MTRR: variants seen among roughly 807,000 people sequenced by gnomAD.
MTRR encodes the protein 5-methyltetrahydrofolate-homocysteine methyltransferase reductase, also known as methionine synthase reductase.
Under a neutral mutation model 79.2 loss-of-function variants are expected in MTRR, and 63 were observed. The observed-to-expected ratio is 0.80, with a 90% CI of 0.65 to 0.98. The LOEUF is 0.98. Among genes scored for constraint, MTRR ranks in the 50% least tolerant of loss-of-function variants. MTRR has a pLI of 0.00. For missense variants in MTRR, 895 were observed against 839.6 expected, an observed-to-expected ratio of 1.07 and a Z score of -0.82; for synonymous variants, 355 against 313.3, an observed-to-expected ratio of 1.13 and a Z score of -1.41.
At chr5:7,871,338 A>G (rs912989163) in intron 2 of MTRR, among the ~76,000 whole-genome samples, 7 of 152,188 alleles carry the variant, frequency 4.6e-5, no homozygotes, top group Non-Finnish European at 1.0e-4. Flanking sequence ...AGGACCGCCT[A>G]GATTCTTTTG....
At chr5:7,876,865 CGTTA>C (rs1204575756) in intron 4 of MTRR, among the ~76,000 whole-genome samples, 5 of 152,216 alleles carry the variant, frequency 3.3e-5, no homozygotes, top group African/African-American at 1.2e-4. Context: ...ACTCAGTGAA[CGTTA>C]GTTCTCCTCC....
upstream of MTRR, among the ~76,000 whole-genome samples, chr5:7,864,945 G>A (rs1443972108): frequency 2.6e-5 from 4 of 152,034 alleles, no homozygotes; most frequent in East Asian, 5.8e-4. Context: ...TAGCATTCCC[G>A]ATAGAGACAA....
chr5:7,862,735 G>T, intron 2 of MTRR: 1 of 1,166,698 alleles, frequency 8.6e-7, no homozygotes. Flanking sequence ...CATTTCCAGA[G>T]AACTTCTATT....
intron 5 of MTRR, among the ~76,000 whole-genome samples, chr5:7,882,206 G>A (rs1735705513): frequency 1.3e-5 from 2 of 152,328 alleles, no homozygotes; most frequent in South Asian, 4.1e-4. Context: ...CTCTGGAGCT[G>A]GTGGGTCTTC....
chr5:7,897,220 A>C lies in MTRR; in HGVS notation c.1925A>C (p.Gln642Pro). The C allele has an allele frequency of 1.2e-6, 2 of 1,613,986 alleles. No homozygotes were observed. The highest frequency in any genetic ancestry group is 1.7e-6 in the Non-Finnish European group (2 of 1,179,866). Residue 642 changes from glutamine to proline, a missense_variant, in exon 14 of 15, where the codon CAG becomes CCG. Physicochemically the swap from Gln to Pro is moderately conservative, Grantham distance 76. Coordinates refer to ENST00000440940, the MANE Select transcript of MTRR (RefSeq NM_002454.3). ...HGQQVARILL[Q>P]ENGHIYVCGD... ...CAGCAGGTGGCGAGAATCCTCCTCCAGGAGAACGGCCATATTTATGTGTGT... is the reference window on the plus strand; with the variant it reads ...CAGCAGGTGGCGAGAATCCTCCTCCCGGAGAACGGCCATATTTATGTGTGT...
chr5:7,899,698 T>C (rs972455288), intron 14 of MTRR, among the ~76,000 whole-genome samples: 3 of 152,064 alleles, frequency 2.0e-5, no homozygotes, highest in Non-Finnish European at 4.4e-5. Context: ...TTGGGAGCTG[T>C]AGAACCGTGT....
exon 1 of MTRR, chr5:7,851,226 C>T: frequency 2.1e-6 from 1 of 476,388 alleles, no homozygotes; most frequent in Non-Finnish European, 3.3e-6. Flanking sequence ...CCCCTCCTCC[C>T]TCCCGGCCCC....
intron 5 of MTRR, among the ~76,000 whole-genome samples, chr5:7,879,737 A>C (rs1193991026): frequency 6.6e-6 from 1 of 152,176 alleles, no homozygotes; most frequent in Admixed American, 6.5e-5. Context: ...ATGCAGTCTC[A>C]ACAAAGGCCT....
At chr5:7,868,000 T>C (rs761131854), upstream of MTRR, 80 of 1,613,816 alleles carry the variant, frequency 5.0e-5, no homozygotes, top group Non-Finnish European at 6.5e-5. Flanking sequence ...GATTTAGAGG[T>C]TTATTTTTTA....
chr5:7,892,984 G>A, intron 11 of MTRR, 71 bp downstream of exon 11: 1 of 1,492,236 alleles, frequency 6.7e-7, no homozygotes, highest in Non-Finnish European at 9.2e-7. Context: ...AAACAGTGTT[G>A]TCTCACCCAC....
chr5:7,856,490 A>C (rs1438603846), intron 1 of MTRR, among the ~76,000 whole-genome samples: 2 of 152,188 alleles, frequency 1.3e-5, no homozygotes, highest in African/African-American at 4.8e-5. Context: ...AGTTTAACTG[A>C]GAATGAAGGA....
At chr5:7,893,892 T>C (rs1267933920) in intron 11 of MTRR, among the ~76,000 whole-genome samples, 1 of 152,236 alleles carries the variant, frequency 6.6e-6, no homozygotes, top group East Asian at 1.9e-4. Context: ...GTGTTCTCTA[T>C]ACATCATGTA....
chr5:7,871,207 G>C (rs1747935984), intron 2 of MTRR, among the ~76,000 whole-genome samples: 1 of 152,194 alleles, frequency 6.6e-6, no homozygotes, highest in Non-Finnish European at 1.5e-5. Flanking sequence ...GGGTGGCTGT[G>C]AGAACAAGTG....
intron 3 of MTRR, among the ~76,000 whole-genome samples, chr5:7,873,952 AT>A (rs1313302705): frequency 6.6e-6 from 1 of 152,186 alleles, no homozygotes; most frequent in Non-Finnish European, 1.5e-5. Flanking sequence ...AATGATTTTC[AT>A]TTCCCAGCTA....
intron 1 of MTRR, among the ~76,000 whole-genome samples, chr5:7,860,530 T>C (rs959684957): frequency 2.2e-4 from 33 of 152,336 alleles, no homozygotes; most frequent in Admixed American, 2.0e-3. Context: ...GGCCCCACTT[T>C]TGAAAAATCA....
intron 8 of MTRR, among the ~76,000 whole-genome samples, chr5:7,888,773 C>G (rs866644170): frequency 6.6e-6 from 1 of 152,130 alleles, no homozygotes; most frequent in Non-Finnish European, 1.5e-5. Context: ...CTATGTCTGC[C>G]TGTAATTAAT....
At chr5:7,857,400 A>G (rs532309658) in intron 1 of MTRR, among the ~76,000 whole-genome samples, 2 of 152,168 alleles carry the variant, frequency 1.3e-5, no homozygotes, top group African/African-American at 4.8e-5. Flanking sequence ...CAGCAACCTT[A>G]TATCTCTCTA....
chr5:7,853,262 C>A (rs1217990319), intron 1 of MTRR, among the ~76,000 whole-genome samples: 1 of 152,162 alleles, frequency 6.6e-6, no homozygotes, highest in Non-Finnish European at 1.5e-5. Flanking sequence ...GGCTCCTCCC[C>A]TTTTGTTCAG....
At chr5:7,867,098 A>G, upstream of MTRR, 1 of 1,614,208 alleles carries the variant, frequency 6.2e-7, no homozygotes, top group East Asian at 2.2e-5. Flanking sequence ...CTCGTTAGTG[A>G]AATGTGGGAC....
Sources: gnomAD v4.1 joint callset for allele counts (sites outside exome capture counted in the v4.1 genomes callset) on GRCh38, gnomAD v4.1.1 for gene constraint, MANE v1.5 for transcripts, NCBI Gene and HGNC (gene_info 2026-07-23, HGNC 2026-07-21) for gene names.